The following ARHGAP6 variants were observed in gnomAD, a reference collection of about 807,000 sequenced individuals.
ARHGAP6 encodes Rho GTPase activating protein 6.
Under a neutral mutation model 55.7 loss-of-function variants are expected in ARHGAP6, and 16 were observed. The ratio of observed to expected loss-of-function variants is 0.29; its 90% confidence interval spans 0.19 to 0.44. The LOEUF is 0.44. ARHGAP6 is among the 20% of genes least tolerant of loss of function. The pLI is 1.00. For synonymous variants in ARHGAP6, 382 were observed against 360.9 expected (o/e 1.06, Z -0.66); for missense variants, 698 against 808.9 (o/e 0.86, Z 1.66).
At chrX:11,633,467 G>T (rs2052382556) in intron 1 of ARHGAP6, among the ~76,000 whole-genome samples, 1 of 111,493 alleles carries the variant, frequency 9.0e-6, no homozygotes, top group Non-Finnish European at 1.9e-5. Flanking sequence ...GACCTCCTGT[G>T]ACCTGCCATG....
intron 3 of ARHGAP6, among the ~76,000 whole-genome samples, chrX:11,192,335 A>T (rs748017708): frequency 9.0e-6 from 1 of 110,834 alleles, no homozygotes; most frequent in African/African-American, 3.3e-5. Flanking sequence ...CTCCACTTCC[A>T]CGATCACTCC....
chrX:11,331,801 G>A (rs1433016374), intron 1 of ARHGAP6, among the ~76,000 whole-genome samples: 1 of 111,908 alleles, frequency 8.9e-6, no homozygotes, highest in Non-Finnish European at 1.9e-5. Flanking sequence ...GGCTCTTGTG[G>A]TCTATTCTTG....
intron 5 of ARHGAP6, among the ~76,000 whole-genome samples, chrX:11,183,373 G>C (rs758572953): frequency 8.9e-6 from 1 of 111,751 alleles, no homozygotes; most frequent in African/African-American, 3.2e-5. Flanking sequence ...CTGTGCACAC[G>C]TTTTTGTTCA....
intron 1 of ARHGAP6, among the ~76,000 whole-genome samples, chrX:11,278,030 C>T (rs1374064551): frequency 1.8e-5 from 2 of 111,879 alleles, no homozygotes; most frequent in Non-Finnish European, 3.8e-5. Context: ...TTGCACATTT[C>T]ATGAGTTGCT....
intron 10 of ARHGAP6, among the ~76,000 whole-genome samples, chrX:11,153,188 G>A (rs1324651505): frequency 9.0e-6 from 1 of 111,636 alleles, no homozygotes; most frequent in East Asian, 2.8e-4. Context: ...TACTGATTCA[G>A]AAAGAGCATT....
chrX:11,491,153 C>G (rs1348417646), intron 1 of ARHGAP6, among the ~76,000 whole-genome samples: 1 of 112,028 alleles, frequency 8.9e-6, no homozygotes, highest in Non-Finnish European at 1.9e-5. Flanking sequence ...TTTAATGACC[C>G]TTGTTATTTA....
chrX:11,361,398 T>G (rs2049008887), intron 1 of ARHGAP6, among the ~76,000 whole-genome samples: 1 of 111,086 alleles, frequency 9.0e-6, no homozygotes, highest in African/African-American at 3.3e-5. Context: ...AAACAAGCAA[T>G]GGGGAAAGGA....
chrX:11,497,628 A>G (rs1247766821), intron 1 of ARHGAP6, among the ~76,000 whole-genome samples: 3 of 99,550 alleles, frequency 3.0e-5, no homozygotes, highest in Admixed American at 1.2e-4. Context: ...TCCATTTGCA[A>G]TCCAGGTAAA....
chrX:11,601,413 A>G (rs907638335), intron 1 of ARHGAP6, among the ~76,000 whole-genome samples: 1 of 111,668 alleles, frequency 9.0e-6, no homozygotes, highest in East Asian at 2.8e-4. Context: ...AAAGAATCAC[A>G]GAAAGAGGGA....
intron 1 of ARHGAP6, among the ~76,000 whole-genome samples, chrX:11,279,492 A>C (rs1048160574): frequency 5.4e-5 from 6 of 111,596 alleles, no homozygotes; most frequent in African/African-American, 2.0e-4. Context: ...AGAGACAACC[A>C]AATGCCATTG....
chrX:11,583,231 G>C (rs2051685797), intron 1 of ARHGAP6, among the ~76,000 whole-genome samples: 1 of 112,262 alleles, frequency 8.9e-6, no homozygotes, highest in African/African-American at 3.2e-5. Flanking sequence ...TCTGTAACTA[G>C]AAATTACTGG....
chrX:11,604,543 AGCT>A (rs2052012511), intron 1 of ARHGAP6, among the ~76,000 whole-genome samples: 1 of 111,598 alleles, frequency 9.0e-6, no homozygotes, highest in Non-Finnish European at 1.9e-5. Flanking sequence ...ATGCATAAAT[AGCT>A]GCTATTTATT....
At chrX:11,159,391 T>A (rs1409508222) in intron 9 of ARHGAP6, among the ~76,000 whole-genome samples, 1 of 110,938 alleles carries the variant, frequency 9.0e-6, no homozygotes, top group Admixed American at 9.6e-5. Context: ...CCAGATAAGA[T>A]GATGGGTCCT....
intron 1 of ARHGAP6, among the ~76,000 whole-genome samples, chrX:11,509,988 C>A (rs755032231): frequency 1.8e-5 from 2 of 111,887 alleles, no homozygotes; most frequent in Admixed American, 9.5e-5. Context: ...AGATGCCAAA[C>A]AAAGAAAATT....
intron 1 of ARHGAP6, among the ~76,000 whole-genome samples, chrX:11,496,239 G>A (rs2050620818): frequency 8.9e-6 from 1 of 112,606 alleles, no homozygotes; most frequent in Admixed American, 9.4e-5. Context: ...CCATGCTTAT[G>A]TGAGATAAAA....
In ARHGAP6 at chrX:11,512,362, C is replaced by CA. The variant is rs764642286; in HGVS notation, c.588+151878dup. Among the ~76,000 whole-genome samples the CA allele has an allele frequency of 3.7e-3, 416 of 111,579 alleles. 3 individuals carry two copies. The highest frequency in any genetic ancestry group is 3.0e-3 in the Non-Finnish European group (161 of 53,080). On this transcript the variant is annotated intron_variant, in intron 1 of 12. Transcript: ENST00000337414. ...TCAGGATGCTCAGAAGTGAATAAAT[C>CA]AAGCTTAGTGTTCTCTCTTTCCACA...
At chrX:11,190,085 C>A (rs1602822906) in intron 3 of ARHGAP6, among the ~76,000 whole-genome samples, 1 of 111,737 alleles carries the variant, frequency 8.9e-6, no homozygotes, top group African/African-American at 3.3e-5. Context: ...TAGAAAGAGA[C>A]TTTAAAAGGT....
chrX:11,346,136 G>GCA (rs776921062), intron 1 of ARHGAP6, among the ~76,000 whole-genome samples: 12 of 111,201 alleles, frequency 1.1e-4, no homozygotes, highest in Non-Finnish European at 2.3e-4. Flanking sequence ...TTTGCCTGAA[G>GCA]CACTACACTC....
intron 1 of ARHGAP6, among the ~76,000 whole-genome samples, chrX:11,355,880 T>C (rs1019659769): frequency 1.8e-5 from 2 of 110,987 alleles, no homozygotes; most frequent in Non-Finnish European, 1.9e-5. Flanking sequence ...GCAGGTAGCA[T>C]AGTTCCCATG....
Sources: gnomAD v4.1 joint callset for allele counts (sites outside exome capture counted in the v4.1 genomes callset) on GRCh38, gnomAD v4.1.1 for gene constraint, MANE v1.5 for transcripts, NCBI Gene and HGNC (gene_info 2026-07-23, HGNC 2026-07-21) for gene names.